HSD17B3: variants seen among roughly 807,000 people sequenced by gnomAD.
HSD17B3 encodes hydroxysteroid 17-beta dehydrogenase 3, also known as 17-beta-hydroxysteroid dehydrogenase type 3.
HSD17B3 carries 29 observed loss-of-function variants against 41.1 expected under a neutral mutation model. The ratio of observed to expected loss-of-function variants is 0.71; its 90% confidence interval spans 0.53 to 0.96. HSD17B3 has a LOEUF of 0.96. Ranked by LOEUF, HSD17B3 falls within the 40% of genes least tolerant of loss-of-function variation. The probability of loss-of-function intolerance (pLI) is 0.00; values close to 1 mark genes in which losing one functional copy is unlikely to be tolerated. For synonymous variants in HSD17B3, 126 were observed against 145.6 expected, an observed-to-expected ratio of 0.87 and a Z score of 0.97; for missense variants, 323 against 374.6, an observed-to-expected ratio of 0.86 and a Z score of 1.14.
At chr9:96,253,659 T>A (rs917652756) in intron 3 of HSD17B3, among the ~76,000 whole-genome samples, 2 of 152,170 alleles carry the variant, frequency 1.3e-5, no homozygotes, top group Non-Finnish European at 2.9e-5. Context: ...TTCCGTCAGA[T>A]GTGAAAGCTA....
At chr9:96,240,564 C>A (rs890944944) in intron 10 of HSD17B3, among the ~76,000 whole-genome samples, 194 bp downstream of exon 10, 3 of 152,118 alleles carry the variant, frequency 2.0e-5, no homozygotes, top group African/African-American at 7.2e-5. Flanking sequence ...ATGAGACTTG[C>A]CAACTTCGGG....
rs551181878 is a variant in HSD17B3, at chr9:96,292,932, C to G, written c.201+5484G>C. Among the ~76,000 whole-genome samples the G allele has an allele frequency of 2.0e-5, 3 of 152,264 alleles. No homozygotes were observed. In the South Asian group the frequency reaches 6.2e-4, roughly 32 times the overall value. On this transcript the variant is annotated intron_variant, in intron 2 of 10. Transcript: ENST00000375263. Reference sequence around the variant, plus strand: ...GGACTGTCAACTGCAAATCCTGTATCTAGCAAAACAATCTTTTAGGAATGA... The same window carrying G: ...GGACTGTCAACTGCAAATCCTGTATGTAGCAAAACAATCTTTTAGGAATGA...
intron 2 of HSD17B3, among the ~76,000 whole-genome samples, chr9:96,262,708 C>CA (rs1037063362): frequency 1.3e-5 from 2 of 152,058 alleles, no homozygotes; most frequent in Non-Finnish European, 2.9e-5. Flanking sequence ...AAAATAATGG[C>CA]AAAAAGTGCG....
At chr9:96,283,974 C>T (rs1826806146) in intron 2 of HSD17B3, among the ~76,000 whole-genome samples, 1 of 151,970 alleles carries the variant, frequency 6.6e-6, no homozygotes, top group Non-Finnish European at 1.5e-5. Context: ...CTGTTAATCC[C>T]AGCACTTTAG....
rs1836564873 is a variant in HSD17B3 at position 96,244,219 on chromosome 9, C to G, written c.672+110G>C. ...GACCACACATGAGCAGCCAGACCCA[C>G]AGGAGGCAGTGGCCCCAGCCACGGG... On this transcript the variant is annotated intron_variant, in intron 9 of 10. Coordinates refer to ENST00000375263, the MANE Select transcript of HSD17B3 (RefSeq NM_000197.2). 42 of 1,060,056 alleles carry G rather than the reference C, an allele frequency of 4.0e-5. 1 individual carries two copies. In the South Asian group the frequency reaches 5.1e-4, roughly 13 times the overall value. The allele number at this position is 1,060,056 out of a possible 1,614,324, so 65.7% of individuals were successfully genotyped here.
intron 4 of HSD17B3, 112 bp downstream of exon 4, chr9:96,252,691 T>A: frequency 1.3e-6 from 1 of 759,316 alleles, no homozygotes; most frequent in Non-Finnish European, 2.4e-6. Flanking sequence ...CAGCTTAAAA[T>A]ACAGTCATGG....
intron 1 of HSD17B3, among the ~76,000 whole-genome samples, chr9:96,300,242 A>G (rs181328068): frequency 2.6e-5 from 4 of 151,658 alleles, no homozygotes; most frequent in African/African-American, 9.7e-5. Flanking sequence ...ACACACACAC[A>G]CACACACACA....
At chr9:96,252,514 G>C (rs1273207841) in intron 4 of HSD17B3, among the ~76,000 whole-genome samples, 1 of 149,544 alleles carries the variant, frequency 6.7e-6, no homozygotes, top group African/African-American at 2.5e-5. Flanking sequence ...CTGCACTCCA[G>C]CCTGGGTGAC....
intron 4 of HSD17B3, 132 bp from the exon 5 acceptor site, chr9:96,251,617 G>A: frequency 1.2e-6 from 1 of 818,880 alleles, no homozygotes; most frequent in Non-Finnish European, 2.1e-6. Flanking sequence ...AGGAAACTGG[G>A]GGGAAGTTTT....
intron 7 of HSD17B3, among the ~76,000 whole-genome samples, chr9:96,245,726 A>G (rs189733948): frequency 1.8e-4 from 27 of 152,310 alleles, no homozygotes; most frequent in African/African-American, 5.8e-4. Flanking sequence ...AGGTCTCTCC[A>G]CCAAAATACT....
chr9:96,252,132 C>A (rs915985048), intron 4 of HSD17B3, among the ~76,000 whole-genome samples: 1 of 152,168 alleles, frequency 6.6e-6, no homozygotes. Context: ...TTTCATGGAT[C>A]AATCACAGCA....
chr9:96,301,603 T>A (rs1484844831), intron 1 of HSD17B3, among the ~76,000 whole-genome samples: 2 of 148,898 alleles, frequency 1.3e-5, no homozygotes, highest in Admixed American at 6.7e-5. Context: ...CCCAGCTACT[T>A]GGGAGGCCGA....
At chr9:96,267,409 C>T (rs1193436162) in intron 2 of HSD17B3, among the ~76,000 whole-genome samples, 4 of 151,990 alleles carry the variant, frequency 2.6e-5, no homozygotes, top group Non-Finnish European at 4.4e-5. Flanking sequence ...CCACCCACCT[C>T]GGCCTCCCAA....
chr9:96,241,961 A>AGAAAG (rs1836458256), intron 9 of HSD17B3, among the ~76,000 whole-genome samples: 1 of 100,696 alleles, frequency 9.9e-6, no homozygotes, highest in Admixed American at 1.2e-4. Context: ...AAAGAACAGA[A>AGAAAG]AAAGAAAGAA....
chr9:96,278,542 G>A (rs1297810894), intron 2 of HSD17B3, among the ~76,000 whole-genome samples: 1 of 152,082 alleles, frequency 6.6e-6, no homozygotes, highest in Non-Finnish European at 1.5e-5. Flanking sequence ...GAGGGTGGGT[G>A]CTGCGTGGGG....
chr9:96,287,090 A>T (rs1200199973), intron 2 of HSD17B3, among the ~76,000 whole-genome samples: 1 of 152,172 alleles, frequency 6.6e-6, no homozygotes, highest in African/African-American at 2.4e-5. Context: ...TGGAGAAAGA[A>T]CTGTGTAGAG....
intron 2 of HSD17B3, among the ~76,000 whole-genome samples, chr9:96,257,474 G>A (rs1825714184): frequency 2.0e-5 from 3 of 151,766 alleles, no homozygotes; most frequent in Admixed American, 6.6e-5. Context: ...GCATATATAG[G>A]CACATATAGA....
intron 2 of HSD17B3, among the ~76,000 whole-genome samples, chr9:96,278,938 C>T (rs1035035715): frequency 1.6e-4 from 24 of 151,802 alleles, no homozygotes; most frequent in African/African-American, 5.6e-4. Flanking sequence ...GCTCTCTGAC[C>T]CTTAGGCAGT....
intron 2 of HSD17B3, among the ~76,000 whole-genome samples, chr9:96,285,378 C>T (rs1826879047): frequency 6.6e-6 from 1 of 151,990 alleles, no homozygotes; most frequent in South Asian, 2.1e-4. Context: ...CTGTTTATTC[C>T]AGTGAACCAA....
Sources: gnomAD v4.1 joint callset for allele counts (sites outside exome capture counted in the v4.1 genomes callset) on GRCh38, gnomAD v4.1.1 for gene constraint, MANE v1.5 for transcripts, NCBI Gene and HGNC (gene_info 2026-07-23, HGNC 2026-07-21) for gene names.